The following SNX8 variants were observed in gnomAD, a reference collection of about 807,000 sequenced individuals.
SNX8 encodes sorting nexin 8.
SNX8 carries 25 observed loss-of-function variants against 51.6 expected under a neutral mutation model. The observed-to-expected ratio is 0.48, with a 90% CI of 0.35 to 0.68. SNX8 has a LOEUF of 0.68. Among genes scored for constraint, SNX8 ranks in the 30% least tolerant of loss-of-function variants. The pLI, the probability that SNX8 is intolerant of heterozygous loss-of-function variation, is 0.00. For missense variants in SNX8, 695 were observed against 624.0 expected (o/e 1.11, Z -1.21); for synonymous variants, 324 against 277.0 (o/e 1.17, Z -1.68).
intron 5 of SNX8, among the ~76,000 whole-genome samples, chr7:2,265,844 G>C (rs1795450298): frequency 6.6e-6 from 1 of 152,126 alleles, no homozygotes; most frequent in African/African-American, 2.4e-5. Context: ...AGGCATGGTG[G>C]CTCATGCCTT....
chr7:2,315,096 T>C (rs1796732648), upstream of SNX8, among the ~76,000 whole-genome samples: 1 of 148,314 alleles, frequency 6.7e-6, no homozygotes, highest in South Asian at 2.1e-4. Flanking sequence ...CTACATTCAT[T>C]CATCCACTCA....
chr7:2,263,209 T>C lies in SNX8; in HGVS notation c.915+21A>G, dbSNP rs1467448974. The C allele has an allele frequency of 3.1e-6, 5 of 1,613,008 alleles. No individual in the cohort carries two copies. The South Asian group carries it at 3.3e-5, about 11-fold the overall frequency. On this transcript the variant is annotated intron_variant, in intron 7 of 10. Transcript: ENST00000222990. Reference sequence around the variant, plus strand: ...TAGCGTGTTCTCTGGAACAGGCGCCTGGGAGAACCGATCCACTCACCTGTT... The same window carrying C: ...TAGCGTGTTCTCTGGAACAGGCGCCCGGGAGAACCGATCCACTCACCTGTT...
intron 5 of SNX8, among the ~76,000 whole-genome samples, chr7:2,267,496 T>C (rs1356267475): frequency 7.9e-6 from 1 of 126,002 alleles, no homozygotes; most frequent in African/African-American, 2.8e-5. Context: ...CTGGTTTTGG[T>C]GGAGACGGGG....
At chr7:2,265,370 T>A (rs1048038786) in intron 5 of SNX8, among the ~76,000 whole-genome samples, 3 of 151,744 alleles carry the variant, frequency 2.0e-5, no homozygotes, top group African/African-American at 7.3e-5. Context: ...TTTAGCTGGA[T>A]ACAGTGACTC....
chr7:2,269,903 G>T (rs73043243), intron 4 of SNX8, among the ~76,000 whole-genome samples: 1,557 of 152,202 alleles, frequency 0.01, 18 homozygotes, highest in South Asian at 0.038. Context: ...CCGCAGACGG[G>T]GGGCAGCTCT....
chr7:2,328,752 C>A (rs1778672842), intron 1 of SNX8, among the ~76,000 whole-genome samples: 1 of 151,824 alleles, frequency 6.6e-6, no homozygotes, highest in South Asian at 2.1e-4. Flanking sequence ...GAGATCGAGA[C>A]CATCCTGGCT....
At chr7:2,291,316 G>C (rs1204969091) in intron 1 of SNX8, among the ~76,000 whole-genome samples, 4 of 151,888 alleles carry the variant, frequency 2.6e-5, no homozygotes, top group Admixed American at 1.3e-4. Context: ...AAAGAAACTA[G>C]GCCGGATGTG....
intron 7 of SNX8, among the ~76,000 whole-genome samples, 168 bp from the exon 8 acceptor site, chr7:2,257,971 C>A (rs1211095662): frequency 6.6e-6 from 1 of 152,112 alleles, no homozygotes; most frequent in African/African-American, 2.4e-5. Context: ...CACCAGCCCA[C>A]CCATTACCAG....
chr7:2,348,338 C>CTT (rs59761780), intron 1 of SNX8, among the ~76,000 whole-genome samples: 21 of 93,664 alleles, frequency 2.2e-4, no homozygotes, highest in African/African-American at 5.0e-4. Context: ...TTCTTTCTTT[C>CTT]TTTTTTTTTT....
At chr7:2,272,088 G>T in intron 3 of SNX8, 117 bp from the exon 4 acceptor site, 1 of 1,419,378 alleles carries the variant, frequency 7.0e-7, no homozygotes, top group Non-Finnish European at 9.6e-7. Context: ...GGCTAGCAGA[G>T]GGCACTGGCT....
At chr7:2,314,690 G>A (rs968193117), upstream of SNX8, among the ~76,000 whole-genome samples, 1 of 152,160 alleles carries the variant, frequency 6.6e-6, no homozygotes, top group Admixed American at 6.5e-5. Context: ...TTGGACCTCC[G>A]GACTCGCAGG....
At chr7:2,329,461 C>A (rs925433759) in intron 1 of SNX8, among the ~76,000 whole-genome samples, 1 of 152,134 alleles carries the variant, frequency 6.6e-6, no homozygotes, top group Non-Finnish European at 1.5e-5. Context: ...CGTGCGGGGG[C>A]TCTTGGCTCC....
intron 1 of SNX8, among the ~76,000 whole-genome samples, chr7:2,292,658 G>A (rs1016332096): frequency 3.9e-5 from 6 of 152,064 alleles, no homozygotes; most frequent in South Asian, 2.1e-4. Context: ...TGATCCACCC[G>A]CCTCGGCCTC....
intron 1 of SNX8, among the ~76,000 whole-genome samples, chr7:2,340,065 CTTT>C (rs748282709): frequency 2.0e-4 from 29 of 142,278 alleles, no homozygotes; most frequent in African/African-American, 3.6e-4. Context: ...GGCTACAAAA[CTTT>C]TTTTTTTTTT....
At position 2,263,083 on chromosome 7, in the gene SNX8, C is replaced by A. The variant is rs548175902; in HGVS notation, c.915+147G>T. On this transcript the variant is annotated intron_variant, in intron 7 of 10. Transcript: ENST00000222990. ...GCAGCGAGCCGAGATTGCGCCTTTG[C>A]GCTCCAGCCTGGCAACAGAGGGAGA... 1.2e-5 allele frequency: 12 copies of A among 972,722 alleles called. No homozygotes were observed. In the South Asian group the frequency reaches 2.0e-4, roughly 16 times the overall value. 60.3% of individuals were successfully genotyped at this position (972,722 alleles called of 1,614,324 possible).
At chr7:2,295,271 G>T (rs1328553600) in intron 1 of SNX8, among the ~76,000 whole-genome samples, 1 of 151,886 alleles carries the variant, frequency 6.6e-6, no homozygotes, top group African/African-American at 2.4e-5. Context: ...AAGTGTGGTG[G>T]CACGTGCCTG....
intron 5 of SNX8, among the ~76,000 whole-genome samples, chr7:2,268,040 C>A (rs1444243905): frequency 3.0e-5 from 3 of 100,782 alleles, no homozygotes; most frequent in African/African-American, 1.2e-4. Flanking sequence ...TCTGCCCGGC[C>A]AGCCACCCCG....
chr7:2,270,195 A>T (rs1192527107), intron 4 of SNX8, among the ~76,000 whole-genome samples: 1 of 151,852 alleles, frequency 6.6e-6, no homozygotes, highest in Non-Finnish European at 1.5e-5. Context: ...GCCGTGCCTT[A>T]AAGTCAGGAG....
chr7:2,309,970 C>T (rs1796628656), intron 1 of SNX8: 6 of 435,726 alleles, frequency 1.4e-5, no homozygotes, highest in East Asian at 7.1e-5. Flanking sequence ...GCCAGGTCAA[C>T]GCGGACAAAC....
Sources: allele counts gnomAD v4.1 joint callset (sites outside exome capture counted in the v4.1 genomes callset), GRCh38; gene constraint gnomAD v4.1.1; transcripts MANE v1.5; gene names NCBI Gene and HGNC (gene_info 2026-07-23, HGNC 2026-07-21).